The following RCAN2 variants were observed in gnomAD, a reference collection of about 807,000 sequenced individuals.
RCAN2 encodes the protein calcipressin-2.
A neutral mutation model predicts 23.6 loss-of-function variants in RCAN2; 9 were observed. The ratio of observed to expected loss-of-function variants is 0.38; its 90% CI spans 0.23 to 0.67. The LOEUF is 0.67. RCAN2 is among the 30% of genes least tolerant of loss of function. The probability of loss-of-function intolerance (pLI) is 0.51; values close to 1 mark genes in which losing one functional copy is unlikely to be tolerated. For missense variants in RCAN2, 273 were observed against 302.3 expected, an observed-to-expected ratio of 0.90 and a Z score of 0.72; for synonymous variants, 109 against 115.7, an observed-to-expected ratio of 0.94 and a Z score of 0.37.
intron 1 of RCAN2, among the ~76,000 whole-genome samples, chr6:46,460,790 T>G (rs556263979): frequency 3.3e-5 from 5 of 152,334 alleles, no homozygotes; most frequent in Admixed American, 6.5e-5. Flanking sequence ...AAAGAGTCAC[T>G]TTTTGGAAAT....
intron 3 of RCAN2, among the ~76,000 whole-genome samples, chr6:46,247,577 T>C (rs139047827): frequency 4.9e-4 from 75 of 152,368 alleles, no homozygotes; most frequent in African/African-American, 1.8e-3. Flanking sequence ...GTTCTTGATA[T>C]GTCCTATAAG....
At chr6:46,406,952 A>G (rs778753179) in intron 2 of RCAN2, among the ~76,000 whole-genome samples, 4 of 152,194 alleles carry the variant, frequency 2.6e-5, no homozygotes, top group Admixed American at 1.3e-4. Flanking sequence ...AATACCCCCA[A>G]ACTGGTCCCT....
chr6:46,466,399 G>C (rs1381456165), intron 1 of RCAN2, among the ~76,000 whole-genome samples: 1 of 152,142 alleles, frequency 6.6e-6, no homozygotes, highest in Admixed American at 6.5e-5. Flanking sequence ...ATTTAGAAAA[G>C]AAAAGATGGA....
intron 2 of RCAN2, among the ~76,000 whole-genome samples, chr6:46,285,970 T>C (rs1409464046): frequency 6.6e-6 from 1 of 152,198 alleles, no homozygotes; most frequent in Non-Finnish European, 1.5e-5. Context: ...CCTTGCATGG[T>C]TATTGTGAGA....
intron 4 of RCAN2, among the ~76,000 whole-genome samples, chr6:46,230,293 T>C (rs1204456305): frequency 1.1e-4 from 17 of 152,184 alleles, no homozygotes; most frequent in Admixed American, 1.1e-3. Context: ...ACCACTACTG[T>C]CTTCAATGCT....
chr6:46,300,265 T>C (rs1188612021), intron 2 of RCAN2, among the ~76,000 whole-genome samples: 1 of 151,716 alleles, frequency 6.6e-6, no homozygotes, highest in Non-Finnish European at 1.5e-5. Context: ...AAGACAAAAA[T>C]TACCAAATTG....
chr6:46,468,974 G>A (rs1768473700), intron 1 of RCAN2: 1 of 296,134 alleles, frequency 3.4e-6, no homozygotes, highest in Non-Finnish European at 5.0e-6. Context: ...GCTGCTTCAG[G>A]TTACTTTTAA....
At chr6:46,448,197 T>G (rs1270957815) in intron 2 of RCAN2, among the ~76,000 whole-genome samples, 1 of 151,786 alleles carries the variant, frequency 6.6e-6, no homozygotes, top group Non-Finnish European at 1.5e-5. Flanking sequence ...AGGAAATTAC[T>G]ATGAACAATT....
At chr6:46,265,040 C>G (rs1239514942) in intron 2 of RCAN2, among the ~76,000 whole-genome samples, 1 of 152,136 alleles carries the variant, frequency 6.6e-6, no homozygotes, top group Non-Finnish European at 1.5e-5. Flanking sequence ...GGCTTCACCC[C>G]TTTCAGTGCA....
intron 4 of RCAN2, among the ~76,000 whole-genome samples, chr6:46,244,730 G>A (rs954031912): frequency 5.9e-5 from 9 of 152,162 alleles, no homozygotes; most frequent in African/African-American, 1.4e-4. Context: ...TCCCTGCTTC[G>A]CTCTGGGCCT....
intron 2 of RCAN2, among the ~76,000 whole-genome samples, chr6:46,317,564 C>A (rs1763479217): frequency 6.6e-6 from 1 of 152,156 alleles, no homozygotes; most frequent in South Asian, 2.1e-4. Context: ...CCGGTTAAGG[C>A]CATTCTCCTG....
intron 1 of RCAN2, among the ~76,000 whole-genome samples, chr6:46,470,029 C>A (rs1437810805): frequency 6.6e-6 from 1 of 152,138 alleles, no homozygotes; most frequent in Non-Finnish European, 1.5e-5. Context: ...ACTTCCCAGC[C>A]TTCAGAACTG....
At chr6:46,230,299 A>G (rs1178187834) in intron 4 of RCAN2, among the ~76,000 whole-genome samples, 3 of 152,172 alleles carry the variant, frequency 2.0e-5, no homozygotes, top group Non-Finnish European at 4.4e-5. Flanking sequence ...ACTGTCTTCA[A>G]TGCTGTCAGA....
intron 1 of RCAN2, 34 bp downstream of exon 1, chr6:46,491,139 G>T: frequency 6.6e-6 from 1 of 151,542 alleles, no homozygotes; most frequent in South Asian, 2.0e-4. Context: ...CGGGGTGCCT[G>T]GGCGAGCCTG....
intron 2 of RCAN2, among the ~76,000 whole-genome samples, chr6:46,403,538 C>T (rs1323520208): frequency 6.7e-6 from 1 of 149,898 alleles, no homozygotes; most frequent in Admixed American, 6.6e-5. Context: ...TGCTATTGTA[C>T]TCCAGCCTGG....
chr6:46,426,408 A>T (rs969786962), intron 2 of RCAN2, among the ~76,000 whole-genome samples: 6 of 152,210 alleles, frequency 3.9e-5, no homozygotes, highest in African/African-American at 1.4e-4. Flanking sequence ...AAGACACAGG[A>T]ATTTTTGGAT....
intron 2 of RCAN2, among the ~76,000 whole-genome samples, chr6:46,418,967 A>T (rs1403651500): frequency 2.0e-5 from 3 of 151,850 alleles, no homozygotes; most frequent in Non-Finnish European, 4.4e-5. Context: ...ACACACCTGT[A>T]GTCCTAGCTA....
intron 2 of RCAN2, among the ~76,000 whole-genome samples, chr6:46,406,308 G>A (rs934943710): frequency 6.6e-6 from 1 of 152,208 alleles, no homozygotes; most frequent in Admixed American, 6.5e-5. Context: ...TCTGAGGAGT[G>A]CCAGCACGCT....
chr6:46,324,071 C>T (rs996722307), intron 2 of RCAN2, among the ~76,000 whole-genome samples: 11 of 152,256 alleles, frequency 7.2e-5, no homozygotes, highest in Middle Eastern at 3.4e-3. Flanking sequence ...CTGGACTTGA[C>T]GCTGGCTTTA....
Sources: gnomAD v4.1 joint callset for allele counts (sites outside exome capture counted in the v4.1 genomes callset) on GRCh38, gnomAD v4.1.1 for gene constraint, MANE v1.5 for transcripts, NCBI Gene and HGNC (gene_info 2026-07-23, HGNC 2026-07-21) for gene names.